The following THSD7A variants were observed in gnomAD, a reference collection of about 807,000 sequenced individuals.
THSD7A encodes thrombospondin type 1 domain containing 7A.
Under a neutral mutation model 231.3 loss-of-function variants are expected in THSD7A, and 96 were observed. The observed-to-expected ratio is 0.41, with a 90% CI of 0.35 to 0.49. The LOEUF is 0.49. THSD7A is among the 20% of genes least tolerant of loss of function. The pLI is 0.05. For missense variants in THSD7A, 2,290 were observed against 2,070.2 expected (o/e 1.11, Z -2.06); for synonymous variants, 940 against 743.3 (o/e 1.26, Z -4.30).
chr7:11,423,822 C>A (rs111261608), intron 16 of THSD7A, among the ~76,000 whole-genome samples: 227 of 152,174 alleles, frequency 1.5e-3, no homozygotes, highest in African/African-American at 5.2e-3. Context: ...GATAAAACCT[C>A]GTGCATTTGT....
At chr7:11,575,792 T>C (rs1177564082) in intron 4 of THSD7A, among the ~76,000 whole-genome samples, 2 of 152,210 alleles carry the variant, frequency 1.3e-5, no homozygotes, top group Non-Finnish European at 2.9e-5. Context: ...GAATTACACT[T>C]TGATATTTCT....
intron 6 of THSD7A, among the ~76,000 whole-genome samples, chr7:11,517,918 G>C (rs954889756): frequency 6.6e-6 from 1 of 152,118 alleles, no homozygotes; most frequent in Non-Finnish European, 1.5e-5. Flanking sequence ...GAGAACACTG[G>C]GCAAGGAGTT....
Position 11,377,708 on chromosome 7 carries a change from G to A in THSD7A, c.4802-1051C>T, listed in dbSNP as rs1165706970. Among the ~76,000 whole-genome samples, 1 of 151,958 alleles carries A rather than the reference G, an allele frequency of 6.6e-6. No homozygotes were observed. The highest frequency in any genetic ancestry group is 1.5e-5 in the Non-Finnish European group (1 of 67,948). ...ATCAAAAGAGCTGTTCCACGATTGAGGATCTCTGTTGAGAGTTTCTTCAAC... is the reference window on the plus strand; with the variant it reads ...ATCAAAAGAGCTGTTCCACGATTGAAGATCTCTGTTGAGAGTTTCTTCAAC... On this transcript the variant is annotated intron_variant, in intron 26 of 27. Transcript: ENST00000423059. The surrounding 1 kb of genome is among the most constrained non-coding windows in gnomAD (Gnocchi z 4.5).
At chr7:11,828,028 T>C (rs1218814960) in intron 1 of THSD7A, among the ~76,000 whole-genome samples, 2 of 152,178 alleles carry the variant, frequency 1.3e-5, no homozygotes, top group African/African-American at 2.4e-5. Context: ...ATAACTTCTA[T>C]TGTCGGAGTT....
chr7:11,486,902 G>T (rs1786681736), intron 6 of THSD7A, among the ~76,000 whole-genome samples: 1 of 152,030 alleles, frequency 6.6e-6, no homozygotes, highest in Non-Finnish European at 1.5e-5. Context: ...TTACTTTGAG[G>T]CCTTAACTGA....
intron 6 of THSD7A, among the ~76,000 whole-genome samples, chr7:11,536,163 A>G (rs13438231): frequency 0.088 from 13,369 of 152,186 alleles, 1,498 homozygotes; most frequent in African/African-American, 0.26. Flanking sequence ...AATTATTTCA[A>G]TTTCATTGGG....
At chr7:11,487,322 G>A (rs958687805) in intron 6 of THSD7A, among the ~76,000 whole-genome samples, 1 of 152,222 alleles carries the variant, frequency 6.6e-6, no homozygotes, top group African/African-American at 2.4e-5. Context: ...ACTGAGATCA[G>A]TGGATAGTCT....
chr7:11,733,524 T>C (rs1781807022), intron 1 of THSD7A, among the ~76,000 whole-genome samples: 4 of 151,836 alleles, frequency 2.6e-5, no homozygotes, highest in African/African-American at 9.7e-5. Context: ...TGTTTTGAGG[T>C]AGAGAAAAGT....
intron 1 of THSD7A, among the ~76,000 whole-genome samples, chr7:11,829,269 T>C (rs1200202511): frequency 6.6e-6 from 1 of 151,936 alleles, no homozygotes; most frequent in Non-Finnish European, 1.5e-5. Context: ...TATACCCTTA[T>C]TTGTTGTATA....
At chr7:11,596,625 TGAG>T (rs1407226726) in intron 2 of THSD7A, among the ~76,000 whole-genome samples, 6 of 152,120 alleles carry the variant, frequency 3.9e-5, no homozygotes, top group African/African-American at 1.4e-4. Context: ...CTGGAGGGAT[TGAG>T]GAGATTAGTG....
At chr7:11,424,283 G>C (rs1467908629) in intron 16 of THSD7A, among the ~76,000 whole-genome samples, 1 of 152,124 alleles carries the variant, frequency 6.6e-6, no homozygotes, top group Non-Finnish European at 1.5e-5. Context: ...AACCAGCTGG[G>C]GGCTTCAGAG....
Position 11,377,614 on chromosome 7 carries a change from TTAATATTCTAA to T in THSD7A, c.4802-968_4802-958del, listed in dbSNP as rs1782326862. Among the ~76,000 whole-genome samples the T allele has an allele frequency of 6.6e-6, 1 of 152,054 alleles. No homozygotes were observed. The stretch of plus-strand genomic sequence containing the variant: ...GTTCATTTGCTGGGAATAAACTCAA[TTAATATTCTAA>T]ATATCCTTTCTTTCTAATCCTAAAG... On this transcript the variant is annotated intron_variant, in intron 26 of 27. Coordinates refer to ENST00000423059, the MANE Select transcript of THSD7A (RefSeq NM_015204.3). The surrounding 1 kb of genome is among the most constrained non-coding windows in gnomAD (Gnocchi z 4.5).
intron 1 of THSD7A, among the ~76,000 whole-genome samples, chr7:11,644,722 A>C (rs183373737): frequency 6.6e-6 from 1 of 152,032 alleles, no homozygotes; most frequent in Non-Finnish European, 1.5e-5. Flanking sequence ...AATGCTAAAC[A>C]CAATAATCTA....
intron 1 of THSD7A, among the ~76,000 whole-genome samples, chr7:11,754,557 G>A (rs903995363): frequency 6.6e-5 from 10 of 152,012 alleles, no homozygotes; most frequent in African/African-American, 1.4e-4. Flanking sequence ...CTTGGAAAGC[G>A]CTTTTCTTAA....
At chr7:11,782,857 T>A (rs1783675834) in intron 1 of THSD7A, among the ~76,000 whole-genome samples, 1 of 152,186 alleles carries the variant, frequency 6.6e-6, no homozygotes, top group Non-Finnish European at 1.5e-5. Context: ...TTGCTGAAAG[T>A]ATATACATTT....
intron 1 of THSD7A, among the ~76,000 whole-genome samples, chr7:11,672,977 T>A (rs1415335086): frequency 6.6e-6 from 1 of 152,182 alleles, no homozygotes; most frequent in Non-Finnish European, 1.5e-5. Flanking sequence ...ATAAGGTTTC[T>A]GGGGGCAAGA....
chr7:11,596,392 G>A (rs549664855), intron 2 of THSD7A, among the ~76,000 whole-genome samples: 2 of 152,184 alleles, frequency 1.3e-5, no homozygotes, highest in African/African-American at 4.8e-5. Context: ...TTTAGCTCAG[G>A]TCCAACTTAC....
Position 11,546,226 on chromosome 7 carries a change from A to ACACG in THSD7A, c.1454-3110_1454-3109insCGTG, listed in dbSNP as rs1554335304. 3.6e-3 allele frequency among the ~76,000 whole-genome samples: 540 copies of ACACG among 150,774 alleles called. 5 individuals carry two copies. Among genetic ancestry groups the ACACG allele is most frequent in the African/African-American group, 8.9e-3 (365 of 40,836 alleles). The stretch of plus-strand genomic sequence containing the variant: ...CGCTCACACACACACACACACACAC[A>ACACG]CACACGTGGACCCTGCCACACTGCT... On this transcript the variant is annotated intron_variant, in intron 4 of 27. Transcript: ENST00000423059.
At chr7:11,769,122 A>AATATATATATATAT (rs1219135740) in intron 1 of THSD7A, among the ~76,000 whole-genome samples, 19 of 35,876 alleles carry the variant, frequency 5.3e-4, no homozygotes, top group African/African-American at 1.9e-3. Context: ...AATTCCTGGC[A>AATATATATATATAT]ATATATATAT....
Sources: allele counts gnomAD v4.1 joint callset (sites outside exome capture counted in the v4.1 genomes callset), GRCh38; gene constraint gnomAD v4.1.1; non-coding constraint Gnocchi (gnomAD v3.1); transcripts MANE v1.5; gene names NCBI Gene and HGNC (gene_info 2026-07-23, HGNC 2026-07-21).